RANGAP1: variants seen among roughly 807,000 people sequenced by gnomAD.
RANGAP1 encodes the protein Ran GTPase activating protein 1.
In RANGAP1, 38 loss-of-function variants were observed where a neutral mutation model predicts 63.5. The observed-to-expected ratio is 0.60, with a 90% CI of 0.46 to 0.78. The LOEUF (loss-of-function observed/expected upper bound fraction) is 0.78, where lower values mean the gene tolerates loss of function less well. Among genes scored for constraint, RANGAP1 ranks in the 30% least tolerant of loss-of-function variants. The pLI is 0.00. For synonymous variants in RANGAP1, 329 were observed against 310.5 expected (o/e 1.06, Z -0.63); for missense variants, 630 against 740.3 (o/e 0.85, Z 1.73).
rs374322211 is a variant in RANGAP1, at chr22:41,256,733, C to T, written c.866G>A (p.Arg289His). 280 of 1,613,886 alleles carry T rather than the reference C, an allele frequency of 1.7e-4. No individual in the cohort carries two copies. The highest frequency in any genetic ancestry group is 2.3e-4 in the South Asian group (21 of 91,088). The change falls in exon 8 of 16, where the codon CGC (arginine) becomes CAC (histidine). Residue 289 changes from arginine (R) to histidine (H), a missense_variant. Physicochemically the swap from Arg to His is conservative, Grantham distance 29 (BLOSUM62 0). This residue lies in a region of RANGAP1 where 428 missense variants were observed against 465.5 expected (regional missense o/e 0.92). Transcript: ENST00000356244. Reference sequence around the variant, plus strand: ...CACCTTTAGCTTGGGCAGGCCGCCGCGGATGGCATCTGCAATGGCAACTGC... The same window carrying T: ...CACCTTTAGCTTGGGCAGGCCGCCGTGGATGGCATCTGCAATGGCAACTGC... ...KGAVAIADAIRGGLPKLKELN... is the reference protein window; with the variant it reads ...KGAVAIADAIHGGLPKLKELN...
At chr22:41,280,083 A>G (rs757618578) in intron 2 of RANGAP1, among the ~76,000 whole-genome samples, 1 of 152,078 alleles carries the variant, frequency 6.6e-6, no homozygotes, top group African/African-American at 2.4e-5. Flanking sequence ...TGGGTGACAG[A>G]GACTCCATCT....
intron 4 of RANGAP1, among the ~76,000 whole-genome samples, chr22:41,266,691 C>A (rs973825641): frequency 6.6e-5 from 10 of 152,156 alleles, no homozygotes; most frequent in African/African-American, 2.2e-4. Context: ...CCTGCCATCA[C>A]GCCCAGCTAA....
At chr22:41,298,372 T>TGGC in the RANGAP1 span, among the ~76,000 whole-genome samples, 1 of 151,682 alleles carries the variant, frequency 6.6e-6, no homozygotes, top group Non-Finnish European at 1.5e-5. Flanking sequence ...TGGAGTGCAA[T>TGGC]GGCGCGATCT....
intron 12 of RANGAP1, 40 bp downstream of exon 12, chr22:41,252,832 C>T (rs759336057): frequency 6.6e-7 from 1 of 1,508,732 alleles, no homozygotes; most frequent in Non-Finnish European, 8.9e-7. Context: ...CTCCAGAAGC[C>T]ACAGCACGTA....
chr22:41,286,482 A>C (rs1307722563), upstream of RANGAP1, among the ~76,000 whole-genome samples: 1 of 152,234 alleles, frequency 6.6e-6, no homozygotes, highest in East Asian at 1.9e-4. Flanking sequence ...AGAGACTACA[A>C]TTCCCAGAAT....
At chr22:41,275,616 T>C (rs1050642357) in intron 2 of RANGAP1, among the ~76,000 whole-genome samples, 27 of 151,788 alleles carry the variant, frequency 1.8e-4, no homozygotes, top group Non-Finnish European at 3.8e-4. Flanking sequence ...CCATCTTCAC[T>C]AAAAATACAA....
chr22:41,274,416 G>A (rs1462179371), intron 3 of RANGAP1, among the ~76,000 whole-genome samples, 184 bp downstream of exon 3: 1 of 152,234 alleles, frequency 6.6e-6, no homozygotes, highest in Non-Finnish European at 1.5e-5. Context: ...AAGGTCTGCT[G>A]ACTACAGGGA....
chr22:41,250,717 T>C (rs1000705243), intron 13 of RANGAP1, among the ~76,000 whole-genome samples: 23 of 152,116 alleles, frequency 1.5e-4, no homozygotes, highest in Non-Finnish European at 2.4e-4. Flanking sequence ...CCTGCGTCCA[T>C]TGGGCTTGCA....
intron 3 of RANGAP1, among the ~76,000 whole-genome samples, chr22:41,273,439 T>C (rs2034950131): frequency 1.3e-5 from 2 of 152,026 alleles, no homozygotes; most frequent in Admixed American, 6.6e-5. Flanking sequence ...CCCTTTGCGT[T>C]GGCCAAAAAG....
intron 2 of RANGAP1, among the ~76,000 whole-genome samples, chr22:41,277,111 T>C: frequency 8.3e-6 from 1 of 119,962 alleles, no homozygotes; most frequent in African/African-American, 3.3e-5. Flanking sequence ...GGAGTCTCGC[T>C]CTGTTGCCCA....
At chr22:41,256,330 G>A (rs754536269) in intron 8 of RANGAP1, 40 bp from the exon 9 acceptor site, 11 of 1,585,848 alleles carry the variant, frequency 6.9e-6, no homozygotes, top group African/African-American at 1.3e-5. Flanking sequence ...GCAGAAACCC[G>A]GGCCAGGACA....
the RANGAP1 span, among the ~76,000 whole-genome samples, chr22:41,293,271 G>A: frequency 6.6e-6 from 1 of 151,082 alleles, no homozygotes; most frequent in African/African-American, 2.4e-5. Flanking sequence ...AAGTTAACCA[G>A]CACGGTGATG....
chr22:41,286,010 G>T lies in RANGAP1; in HGVS notation c.-63C>A, dbSNP rs8139784. 0.14 allele frequency: 20,895 copies of T among 152,404 alleles called. 1,703 individuals are homozygous for T. Among genetic ancestry groups the T allele is most frequent in the Middle Eastern group, 0.2 (60 of 296 alleles). 9.4% of individuals were successfully genotyped at this position (152,404 alleles called of 1,614,324 possible). A position where few individuals can be genotyped will look rare whatever the true frequency, so the allele number is the denominator to read the frequency against. The stretch of plus-strand genomic sequence containing the variant: ...CCGTAAACAGGCGGCGCCGCCGCGT[G>T]GGGGGAATCGAGCGCGCGCCTCCGC... On this transcript the variant is annotated 5_prime_UTR_variant, in exon 1 of 16. Transcript: ENST00000356244.
chr22:41,264,724 G>A lies in RANGAP1; in HGVS notation c.420C>T (p.Ala140=), dbSNP rs1191652822. ...GCTTGAGTTCCTGCAGGGTGAAGCA[G>A]GCTGAGCTCTTGAGCAGGGCCTCGA... ...QGFEALLKSS[A]CFTLQELKLN... The change falls in exon 5 of 16, where the codon GCC becomes GCT. Residue 140 remains alanine (A), a synonymous_variant. Transcript: ENST00000356244. The A allele has an allele frequency of 2.5e-6, 4 of 1,614,060 alleles. No individual in the cohort carries two copies. The highest frequency in any genetic ancestry group is 3.4e-6 in the Non-Finnish European group (4 of 1,179,882).
At chr22:41,249,209 C>T in intron 15 of RANGAP1, 121 bp downstream of exon 15, 1 of 1,373,056 alleles carries the variant, frequency 7.3e-7, no homozygotes, top group Non-Finnish European at 9.7e-7. Flanking sequence ...CTCTCATGCA[C>T]CTGAGTGGGG....
intron 4 of RANGAP1, among the ~76,000 whole-genome samples, chr22:41,266,909 C>T (rs1250441327): frequency 1.5e-3 from 118 of 76,136 alleles, no homozygotes; most frequent in South Asian, 2.5e-3. Context: ...GAGACGGAGT[C>T]TTGCTTTGTC....
Position 41,257,918 on chromosome 22 carries a change from GC to G in RANGAP1, c.774+29del. 1.9e-6 allele frequency: 3 copies of G among 1,572,238 alleles called. No individual in the cohort carries two copies. The highest frequency in any genetic ancestry group is 2.6e-6 in the Non-Finnish European group (3 of 1,154,808). The stretch of plus-strand genomic sequence containing the variant: ...CAGCAGCCAGCCTCTATCTGGCGGG[GC>G]CCAACTGGCTCTGCCACACTCGCCT... On this transcript the variant is annotated intron_variant, in intron 7 of 15. Coordinates refer to ENST00000356244, the MANE Select transcript of RANGAP1 (RefSeq NM_002883.4). The surrounding 1 kb of genome is among the most constrained non-coding windows in gnomAD (Gnocchi z 4.0).
chr22:41,246,441 C>T lies in RANGAP1; in HGVS notation c.*162G>A. ...GGCACAGACCTGCACATGCGCCACA[C>T]CCACACACATACTCAGGGGACTGAC... On this transcript the variant is annotated 3_prime_UTR_variant, in exon 16 of 16. Transcript: ENST00000356244. 1 of 705,558 alleles carries T rather than the reference C, an allele frequency of 1.4e-6. No individual in the cohort carries two copies. The highest frequency in any genetic ancestry group is 2.7e-5 in the Admixed American group (1 of 36,916). 43.7% of individuals were successfully genotyped at this position (705,558 alleles called of 1,614,324 possible).
At chr22:41,251,628 A>G (rs890743771) in intron 12 of RANGAP1, among the ~76,000 whole-genome samples, 21 of 117,490 alleles carry the variant, frequency 1.8e-4, no homozygotes, top group Admixed American at 1.6e-3. Context: ...ATTGTCTCAG[A>G]AAAAAAAAAA....
Sources: gnomAD v4.1 joint callset for allele counts (sites outside exome capture counted in the v4.1 genomes callset) on GRCh38, gnomAD v4.1.1 for gene constraint, gnomAD v4.1.1 regional missense constraint, Gnocchi (gnomAD v3.1) non-coding constraint, MANE v1.5 for transcripts, NCBI Gene and HGNC (gene_info 2026-07-23, HGNC 2026-07-21) for gene names.